VWA2: variants seen among roughly 807,000 people sequenced by gnomAD.
The protein encoded by VWA2 is von Willebrand factor A domain-containing protein 2.
Under a neutral mutation model 70.4 loss-of-function variants are expected in VWA2, and 73 were observed. The ratio of observed to expected loss-of-function variants is 1.04; its 90% CI spans 0.86 to 1.26. The LOEUF is 1.26. Among genes scored for constraint, VWA2 ranks in the 50% most tolerant of loss-of-function variants. The probability of loss-of-function intolerance (pLI) is 0.00; values close to 1 mark genes in which losing one functional copy is unlikely to be tolerated. For synonymous variants in VWA2, 407 were observed against 423.3 expected (o/e 0.96, Z 0.47); for missense variants, 1,011 against 998.5 (o/e 1.01, Z -0.17).
In VWA2 at chr10:114,239,562, T is replaced by A. The variant is rs2133268131; in HGVS notation, c.-18T>A. On this transcript the variant is annotated 5_prime_UTR_variant, in exon 1 of 14. Coordinates refer to ENST00000392982, the MANE Select transcript of VWA2 (RefSeq NM_001272046.2). ...GGGCACCGAGCGCTGGTCGCCGCTCTCCTTCCGGTGAGTCCCAGCCCCGAG... is the reference window on the plus strand; with the variant it reads ...GGGCACCGAGCGCTGGTCGCCGCTCACCTTCCGGTGAGTCCCAGCCCCGAG... 6.6e-6 allele frequency: 1 copy of A among 152,276 alleles called. No homozygotes were observed. The highest frequency in any genetic ancestry group is 2.1e-4 in the South Asian group (1 of 4,818). The allele number at this position is 152,276 out of a possible 1,614,324, so 9.4% of individuals were successfully genotyped here. A position where few individuals can be genotyped will look rare whatever the true frequency, so the allele number is the denominator to read the frequency against.
intron 5 of VWA2, among the ~76,000 whole-genome samples, chr10:114,266,338 A>G (rs1027861517): frequency 2.0e-5 from 3 of 152,020 alleles, no homozygotes; most frequent in Non-Finnish European, 4.4e-5. Context: ...CGTAGTAGGT[A>G]TATATATGTA....
At chr10:114,269,721 T>C (rs2037664858) in intron 5 of VWA2, among the ~76,000 whole-genome samples, 1 of 152,206 alleles carries the variant, frequency 6.6e-6, no homozygotes, top group Admixed American at 6.5e-5. Flanking sequence ...GAACAAGCAC[T>C]TTTTCTTTTC....
At chr10:114,285,192 C>A (rs11196680) in intron 10 of VWA2, among the ~76,000 whole-genome samples, 14,872 of 152,184 alleles carry the variant, frequency 0.098, 894 homozygotes, top group East Asian at 0.25. Context: ...TGGCTCCCAG[C>A]TTATTAGCTG....
At position 114,289,464 on chromosome 10, in the gene VWA2, C is replaced by T. The variant is rs776500235; in HGVS notation, c.2097C>T (p.Asp699=). ...ACGCCGACCTGCGGTACCACCAGGA[C>T]GTGCTCATTGAGTGGCTGTGTGGAG... ...AAYADLRYHQ[D]VLIEWLCGEA... is the part of the protein sequence containing the mutation. Residue 699 remains aspartate (D), a synonymous_variant, in exon 12 of 14, where the codon GAC becomes GAT. Transcript: ENST00000392982. 115 of 1,614,092 alleles carry T rather than the reference C, an allele frequency of 7.1e-5. No individual in the cohort carries two copies. The East Asian group carries it at 1.7e-3, about 24-fold the overall frequency.
Position 114,285,936 on chromosome 10 carries a change from C to G in VWA2, c.998-3C>G. On this transcript the variant is annotated splice_region_variant and splice_polypyrimidine_tract_variant and intron_variant, in intron 10 of 13. Coordinates refer to ENST00000392982, the MANE Select transcript of VWA2 (RefSeq NM_001272046.2). ...ACAGTGGGTGTTGCTGTGATCCCCG[C>G]AGCCCTGAAGCTGAGCCTGGAATGC... The G allele has an allele frequency of 6.3e-7, 1 of 1,584,482 alleles. No homozygotes were observed. The highest frequency in any genetic ancestry group is 1.3e-5 in the African/African-American group (1 of 74,712).
At chr10:114,285,846 C>T (rs866965446) in intron 10 of VWA2, 93 bp from the exon 11 acceptor site, 1 of 1,328,642 alleles carries the variant, frequency 7.5e-7, no homozygotes. Flanking sequence ...TCTGCACCAT[C>T]TCCCTCCTGG....
intron 8 of VWA2, among the ~76,000 whole-genome samples, chr10:114,279,297 C>T (rs2037940864): frequency 6.6e-6 from 1 of 152,162 alleles, no homozygotes. Flanking sequence ...AGCCCAGGCA[C>T]CCAAGAGCAC....
In VWA2 at chr10:114,292,020, G is replaced by A. The variant is rs1426716154; in HGVS notation, c.*783G>A. 6.6e-6 allele frequency among the ~76,000 whole-genome samples: 1 copy of A among 152,184 alleles called. No homozygotes were observed. Among genetic ancestry groups the A allele is most frequent in the Non-Finnish European group, 1.5e-5 (1 of 68,032 alleles). ...CGGCCAGAGACTGTGGCTCATGCCT[G>A]TAATCCCAGCACTTTGGAGGCTGAG... On this transcript the variant is annotated 3_prime_UTR_variant, in exon 14 of 14. Coordinates refer to ENST00000392982, the MANE Select transcript of VWA2 (RefSeq NM_001272046.2).
At chr10:114,275,193 A>G (rs1007483407) in intron 6 of VWA2, among the ~76,000 whole-genome samples, 2 of 152,146 alleles carry the variant, frequency 1.3e-5, no homozygotes, top group Non-Finnish European at 2.9e-5. Flanking sequence ...AGATAGAGTG[A>G]TGGAGACTAA....
chr10:114,247,513 G>C (rs1321954778), intron 1 of VWA2, among the ~76,000 whole-genome samples: 1 of 152,106 alleles, frequency 6.6e-6, no homozygotes, highest in Non-Finnish European at 1.5e-5. Flanking sequence ...TGGCCAGGCT[G>C]GTCGTGAACT....
chr10:114,247,861 G>C (rs528844261), intron 1 of VWA2, among the ~76,000 whole-genome samples: 25 of 152,192 alleles, frequency 1.6e-4, no homozygotes, highest in African/African-American at 5.8e-4. Context: ...GAGGGCCCCT[G>C]GGTTCATGTA....
rs2039882295 is a variant in VWA2, at chr10:114,294,427, G to A, written c.*3190G>A. 6.6e-6 allele frequency among the ~76,000 whole-genome samples: 1 copy of A among 152,032 alleles called. No individual in the cohort carries two copies. Among genetic ancestry groups the A allele is most frequent in the Non-Finnish European group, 1.5e-5 (1 of 68,004 alleles). ...TCATATTGCCTTAGGTTGTCTATTT[G>A]TCTCTTTAATGAACCCGATTTTGAT... On this transcript the variant is annotated 3_prime_UTR_variant, in exon 14 of 14. Coordinates refer to ENST00000392982, the MANE Select transcript of VWA2 (RefSeq NM_001272046.2).
intron 4 of VWA2, among the ~76,000 whole-genome samples, chr10:114,260,174 G>A (rs2037414558): frequency 6.6e-6 from 1 of 152,198 alleles, no homozygotes; most frequent in East Asian, 1.9e-4. Flanking sequence ...ATTAGGTGCA[G>A]GCCTTGGGCC....
chr10:114,248,511 A>G (rs2037123974), intron 1 of VWA2, among the ~76,000 whole-genome samples, 193 bp from the exon 2 acceptor site: 1 of 152,180 alleles, frequency 6.6e-6, no homozygotes, highest in Non-Finnish European at 1.5e-5. Context: ...CTTGGTGTCT[A>G]AAACCAAAGT....
intron 5 of VWA2, among the ~76,000 whole-genome samples, chr10:114,266,791 C>T (rs1336219405): frequency 1.3e-5 from 2 of 152,144 alleles, no homozygotes; most frequent in East Asian, 1.9e-4. Flanking sequence ...GCTTTGTCTC[C>T]ACTTTACCTT....
intron 11 of VWA2, among the ~76,000 whole-genome samples, chr10:114,287,601 C>T (rs575627875): frequency 1.3e-5 from 2 of 152,148 alleles, no homozygotes; most frequent in African/African-American, 2.4e-5. Flanking sequence ...TCCTGTAAGG[C>T]GGAAGGACAG....
intron 6 of VWA2, among the ~76,000 whole-genome samples, chr10:114,275,187 A>G (rs1564726770): frequency 6.6e-6 from 1 of 152,172 alleles, no homozygotes; most frequent in African/African-American, 2.4e-5. Flanking sequence ...GGAAGAAGAT[A>G]GAGTGATGGA....
At chr10:114,254,873 G>C in intron 3 of VWA2, 42 bp from the exon 4 acceptor site, 1 of 1,599,196 alleles carries the variant, frequency 6.3e-7, no homozygotes, top group South Asian at 1.1e-5. Flanking sequence ...AAGTGAGACC[G>C]ACTTGCTCCT....
chr10:114,241,497 T>C (rs901029808), intron 1 of VWA2, among the ~76,000 whole-genome samples: 1 of 152,208 alleles, frequency 6.6e-6, no homozygotes, highest in Non-Finnish European at 1.5e-5. Flanking sequence ...CGCTCGGTAA[T>C]ATACACTGAC....
Sources: allele counts gnomAD v4.1 joint callset (sites outside exome capture counted in the v4.1 genomes callset), GRCh38; gene constraint gnomAD v4.1.1; transcripts MANE v1.5; gene names NCBI Gene and HGNC (gene_info 2026-07-23, HGNC 2026-07-21).